The following UBE2D3 variants were observed in gnomAD, a reference collection of about 807,000 sequenced individuals.
UBE2D3 encodes ubiquitin conjugating enzyme E2 D3.
In UBE2D3, 2 loss-of-function variants were observed where a neutral mutation model predicts 22.8. The ratio of observed to expected loss-of-function variants is 0.09; its 90% CI spans 0.04 to 0.28. The LOEUF is 0.28. UBE2D3 is among the 10% of genes least tolerant of loss of function. The pLI, the probability that UBE2D3 is intolerant of heterozygous loss-of-function variation, is 1.00. For missense variants in UBE2D3, 27 were observed against 182.5 expected (o/e 0.15, Z 4.91); for synonymous variants, 56 against 60.4 (o/e 0.93, Z 0.34).
intron 1 of UBE2D3, among the ~76,000 whole-genome samples, chr4:102,845,145 G>A (rs1261416455): frequency 6.6e-6 from 1 of 152,054 alleles, no homozygotes; most frequent in Non-Finnish European, 1.5e-5. Context: ...CTATTTGGGA[G>A]GTAGAGGTTG....
At chr4:102,851,587 G>A (rs1732351631) in intron 1 of UBE2D3, among the ~76,000 whole-genome samples, 1 of 152,106 alleles carries the variant, frequency 6.6e-6, no homozygotes, top group Non-Finnish European at 1.5e-5. Flanking sequence ...TTGTGGCAGA[G>A]AATACAATTA....
chr4:102,813,392 A>G (rs1021155251), intron 2 of UBE2D3, among the ~76,000 whole-genome samples: 7 of 152,228 alleles, frequency 4.6e-5, no homozygotes, highest in African/African-American at 1.7e-4. Flanking sequence ...TTGTAAAATT[A>G]AACAATGAAT....
chr4:102,827,272 G>C, intron 1 of UBE2D3, 155 bp downstream of exon 1: 1 of 955,268 alleles, frequency 1.0e-6, no homozygotes. Context: ...TCCTCCAGCA[G>C]GAGAGGCCGC....
intron 4 of UBE2D3, among the ~76,000 whole-genome samples, chr4:102,804,766 C>A (rs1726767550): frequency 6.6e-6 from 1 of 152,172 alleles, no homozygotes; most frequent in East Asian, 1.9e-4. Context: ...CCTCTGCCTC[C>A]TGGGATCAAG....
intron 4 of UBE2D3, among the ~76,000 whole-genome samples, chr4:102,806,544 A>G (rs565367479): frequency 9.2e-5 from 14 of 152,282 alleles, no homozygotes; most frequent in Non-Finnish European, 1.8e-4. Context: ...ACCAAATAAA[A>G]TAGTACCTAT....
rs187219216 is a variant in UBE2D3 at position 102,823,758 on chromosome 4, A to G, written c.24+2727T>C. On this transcript the variant is annotated intron_variant, in intron 2 of 7. Coordinates refer to ENST00000453744, the MANE Select transcript of UBE2D3 (RefSeq NM_181891.3). ...CAGGAAAAAAGTTGATTGGTCTAAC[A>G]GTCAAAAAACTTACTCCAAGAACAC... Among the ~76,000 whole-genome samples, 20 of 152,366 alleles carry G rather than the reference A, an allele frequency of 1.3e-4. No individual in the cohort carries two copies. In the East Asian group the frequency reaches 3.7e-3, roughly 28 times the overall value.
At chr4:102,841,385 AT>A (rs1263198962) in intron 1 of UBE2D3, among the ~76,000 whole-genome samples, 1 of 151,968 alleles carries the variant, frequency 6.6e-6, no homozygotes, top group Non-Finnish European at 1.5e-5. Flanking sequence ...ATAAATCACT[AT>A]TTTTTCCCTA....
chr4:102,823,602 G>A (rs1729974807), intron 2 of UBE2D3, among the ~76,000 whole-genome samples: 1 of 152,200 alleles, frequency 6.6e-6, no homozygotes, highest in Admixed American at 6.5e-5. Context: ...ATATATTGTA[G>A]TCCCTGTTTA....
chr4:102,857,733 G>A (rs577321964), intron 1 of UBE2D3, among the ~76,000 whole-genome samples: 81 of 151,960 alleles, frequency 5.3e-4, no homozygotes, highest in African/African-American at 1.7e-3. Flanking sequence ...TCACTCCCTC[G>A]CCTAGGCTGG....
chr4:102,842,418 G>A (rs181967352), intron 1 of UBE2D3, among the ~76,000 whole-genome samples: 32 of 152,100 alleles, frequency 2.1e-4, no homozygotes, highest in Admixed American at 3.9e-4. Flanking sequence ...CGCTGGGCAT[G>A]GTGGTGCATG....
intron 7 of UBE2D3, among the ~76,000 whole-genome samples, chr4:102,798,170 T>G (rs1471261643): frequency 6.6e-6 from 1 of 151,104 alleles, no homozygotes; most frequent in African/African-American, 2.4e-5. Flanking sequence ...GCAAGGTTAT[T>G]ACTCAGGAAG....
rs1423043699 is a variant in UBE2D3, at chr4:102,856,573, A to G, written c.-129+12142T>C. Among the ~76,000 whole-genome samples, 4 of 152,316 alleles carry G rather than the reference A, an allele frequency of 2.6e-5. No homozygotes were observed. The South Asian group carries it at 8.3e-4, about 32-fold the overall frequency. ...ATATTTTTAGGTTGATAATTAAAAT[A>G]TTTAAAATCATAATATTCGTATATG... On this transcript the variant is annotated intron_variant, in intron 1 of 7. Transcript: ENST00000338145.
intron 1 of UBE2D3, among the ~76,000 whole-genome samples, chr4:102,836,285 T>C (rs1731396502): frequency 6.6e-6 from 1 of 151,794 alleles, no homozygotes. Context: ...TAGCTGGGAC[T>C]ATAGGCACTC....
rs542159940 is a variant in UBE2D3 at position 102,826,190 on chromosome 4, A to C, written c.24+295T>G. ...CGGACCCCCAAAAAAACTCCTTCTT[A>C]AGCAGCAAAAAAATAAAATAATAAA... On this transcript the variant is annotated intron_variant, in intron 2 of 7. Coordinates refer to ENST00000453744, the MANE Select transcript of UBE2D3 (RefSeq NM_181891.3). 2.9e-4 allele frequency among the ~76,000 whole-genome samples: 44 copies of C among 152,034 alleles called. 1 individual carries two copies. The highest frequency in any genetic ancestry group is 6.5e-4 in the Admixed American group (10 of 15,274).
chr4:102,810,072 T>C (rs534790919), intron 2 of UBE2D3: 18 of 491,956 alleles, frequency 3.7e-5, no homozygotes, highest in Admixed American at 1.5e-4. Flanking sequence ...TGCAAACACA[T>C]TGATACAAAA....
intron 2 of UBE2D3, among the ~76,000 whole-genome samples, chr4:102,819,300 A>G (rs1381427218): frequency 1.3e-5 from 2 of 151,072 alleles, no homozygotes; most frequent in Admixed American, 6.6e-5. Flanking sequence ...ACTGCACTCT[A>G]GCCTGGGCAG....
chr4:102,826,192 G>C lies in UBE2D3; in HGVS notation c.24+293C>G, dbSNP rs150293322. Among the ~76,000 whole-genome samples, 58 of 151,974 alleles carry C rather than the reference G, an allele frequency of 3.8e-4. 2 individuals are homozygous for C. In the East Asian group the frequency reaches 0.011, roughly 28 times the overall value. ...GACCCCCAAAAAAACTCCTTCTTAAGCAGCAAAAAAATAAAATAATAAAGG... is the reference window on the plus strand; with the variant it reads ...GACCCCCAAAAAAACTCCTTCTTAACCAGCAAAAAAATAAAATAATAAAGG... On this transcript the variant is annotated intron_variant, in intron 2 of 7. Coordinates refer to ENST00000453744, the MANE Select transcript of UBE2D3 (RefSeq NM_181891.3).
rs550215093 is a variant in UBE2D3 at position 102,798,062 on chromosome 4, A to G, written c.399-602T>C. Among the ~76,000 whole-genome samples the G allele has an allele frequency of 1.5e-3, 227 of 151,790 alleles. 2 individuals carry two copies. Among genetic ancestry groups the G allele is most frequent in the African/African-American group, 5.0e-3 (208 of 41,418 alleles). On this transcript the variant is annotated intron_variant, in intron 7 of 7. Transcript: ENST00000453744. ...TCATCAGAATCACGTGTTACTTTTAATAAGTGTGGTAACTGAGGCTAATAA... is the reference window on the plus strand; with the variant it reads ...TCATCAGAATCACGTGTTACTTTTAGTAAGTGTGGTAACTGAGGCTAATAA...
chr4:102,835,559 C>T (rs1278572824), intron 1 of UBE2D3, among the ~76,000 whole-genome samples: 1 of 152,116 alleles, frequency 6.6e-6, no homozygotes, highest in African/African-American at 2.4e-5. Flanking sequence ...CCTGACATCT[C>T]TGTAAGCCAG....
Sources: gnomAD v4.1 joint callset for allele counts (sites outside exome capture counted in the v4.1 genomes callset) on GRCh38, gnomAD v4.1.1 for gene constraint, MANE v1.5 for transcripts, NCBI Gene and HGNC (gene_info 2026-07-23, HGNC 2026-07-21) for gene names.